The following DIXDC1 variants were observed in gnomAD, a reference collection of about 807,000 sequenced individuals.
DIXDC1 encodes DIX domain containing 1, also known as dixin.
DIXDC1 carries 64 observed loss-of-function variants against 103.1 expected under a neutral mutation model. That is an observed-to-expected ratio of 0.62 (90% CI 0.51 to 0.76). The LOEUF (loss-of-function observed/expected upper bound fraction) is 0.76. Among genes scored for constraint, DIXDC1 ranks in the 30% least tolerant of loss-of-function variants. The pLI is 0.00. For missense variants in DIXDC1, 759 were observed against 834.2 expected (o/e 0.91, Z 1.11); for synonymous variants, 266 against 298.5 (o/e 0.89, Z 1.12).
rs1421061439 is a variant in DIXDC1 at position 111,958,321 on chromosome 11, C to T, written c.61-6228C>T. Among the ~76,000 whole-genome samples, 1 of 151,998 alleles carries T rather than the reference C, an allele frequency of 6.6e-6. No homozygotes were observed. The highest frequency in any genetic ancestry group is 1.5e-5 in the Non-Finnish European group (1 of 67,952). On this transcript the variant is annotated intron_variant, in intron 1 of 19. Coordinates refer to ENST00000440460, the MANE Select transcript of DIXDC1 (RefSeq NM_001037954.4). The surrounding 1 kb of genome is among the most constrained non-coding windows in gnomAD (Gnocchi z 4.2). Reference sequence around the variant, plus strand: ...GCTGCAGCTGCAGCTGCCCAAGCCACAGCTGTGGACCCAGGCATCGCTGCA... The same window carrying T: ...GCTGCAGCTGCAGCTGCCCAAGCCATAGCTGTGGACCCAGGCATCGCTGCA...
Position 111,993,686 on chromosome 11 carries a change from G to A in DIXDC1, c.1383G>A (p.Glu461=). 1.2e-6 allele frequency: 2 copies of A among 1,614,038 alleles called. No homozygotes were observed. Among genetic ancestry groups the A allele is most frequent in the South Asian group, 1.1e-5 (1 of 91,086 alleles). The change falls in exon 14 of 20, where the codon GAG becomes GAA. Residue 461 remains glutamate, a synonymous_variant. Transcript: ENST00000440460. ...VSYHQVDLER[E]LEHKDVLLAH... is the part of the protein sequence containing the mutation. ...TTTTGCAGGTGGATCTAGAGCGAGA[G>A]CTAGAACACAAAGATGTCCTCTTGG...
At chr11:111,978,635 C>T (rs1860197581) in intron 5 of DIXDC1, among the ~76,000 whole-genome samples, 1 of 152,188 alleles carries the variant, frequency 6.6e-6, no homozygotes, top group African/African-American at 2.4e-5. Context: ...GCTGAGCATG[C>T]GTCTGTGCTT....
intron 3 of DIXDC1, 25 bp downstream of exon 3, chr11:111,968,663 T>C: frequency 1.9e-6 from 3 of 1,597,110 alleles, no homozygotes; most frequent in Non-Finnish European, 2.6e-6. Context: ...ACATCCTTGG[T>C]GCATGAGTAT....
At chr11:111,951,818 G>A (rs1966813892) in intron 1 of DIXDC1, among the ~76,000 whole-genome samples, 1 of 151,536 alleles carries the variant, frequency 6.6e-6, no homozygotes, top group Non-Finnish European at 1.5e-5. Flanking sequence ...CTTGCCTTCT[G>A]CCATGATTGT....
At chr11:111,930,451 T>G (rs891765100) in intron 2 of DIXDC1, among the ~76,000 whole-genome samples, 1 of 152,178 alleles carries the variant, frequency 6.6e-6, no homozygotes, top group Non-Finnish European at 1.5e-5. Context: ...AGCTAATTTT[T>G]TGTATTTTTA....
In DIXDC1 at chr11:112,019,605, C is replaced by G. The variant is rs1861695336; in HGVS notation, c.*569C>G. 6.5e-6 allele frequency: 1 copy of G among 152,718 alleles called. No homozygotes were observed. The highest frequency in any genetic ancestry group is 2.4e-5 in the African/African-American group (1 of 41,438). The allele number at this position is 152,718 out of a possible 1,614,324, so 9.5% of individuals were successfully genotyped here. On this transcript the variant is annotated 3_prime_UTR_variant, in exon 20 of 20. Coordinates refer to ENST00000440460, the MANE Select transcript of DIXDC1 (RefSeq NM_001037954.4). Reference sequence around the variant, plus strand: ...AGACGTGGATGGTGCTGAATTGTTGCTTGGATGGAAAAAGGGCTGCCCATG... The same window carrying G: ...AGACGTGGATGGTGCTGAATTGTTGGTTGGATGGAAAAAGGGCTGCCCATG...
chr11:111,994,074 C>T (rs1446183416), intron 14 of DIXDC1, among the ~76,000 whole-genome samples: 5 of 152,158 alleles, frequency 3.3e-5, no homozygotes, highest in Non-Finnish European at 7.3e-5. Flanking sequence ...AGCCACTTGG[C>T]ATAGAGTCAG....
Position 112,019,009 on chromosome 11 carries a change from G to T in DIXDC1, c.2025G>T (p.Trp675Cys). ...IPGWEGKIVA[W>C]VEEDHGEN is the part of the protein sequence containing the mutation. Reference sequence around the variant, plus strand: ...GATGGGAAGGGAAAATTGTAGCTTGGGTGGAAGAAGACCATGGAGAGAATT... The same window carrying T: ...GATGGGAAGGGAAAATTGTAGCTTGTGTGGAAGAAGACCATGGAGAGAATT... The change falls in exon 20 of 20, where the codon TGG (tryptophan) becomes TGT (cysteine). Residue 675 changes from tryptophan (W) to cysteine (C), a missense_variant. This residue lies in a region of DIXDC1 where 657 missense variants were observed against 727.5 expected (regional missense o/e 0.90). Coordinates refer to ENST00000440460, the MANE Select transcript of DIXDC1 (RefSeq NM_001037954.4). The T allele has an allele frequency of 1.2e-6, 2 of 1,613,384 alleles. No homozygotes were observed. Among genetic ancestry groups the T allele is most frequent in the Non-Finnish European group, 1.7e-6 (2 of 1,179,506 alleles).
intron 1 of DIXDC1, among the ~76,000 whole-genome samples, chr11:111,963,338 C>A (rs1369921799): frequency 2.0e-5 from 3 of 152,176 alleles, no homozygotes; most frequent in Admixed American, 6.5e-5. Context: ...TCCTCCTGAT[C>A]GTTGCACTTC....
intron 12 of DIXDC1, 41 bp from the exon 13 acceptor site, chr11:111,993,455 C>A: frequency 6.2e-7 from 1 of 1,610,518 alleles, no homozygotes; most frequent in African/African-American, 1.3e-5. Flanking sequence ...TTCAGTGTCC[C>A]TGGTTTTGCC....
At chr11:112,002,754 T>C (rs1555176147) in intron 17 of DIXDC1, among the ~76,000 whole-genome samples, 2 of 152,124 alleles carry the variant, frequency 1.3e-5, no homozygotes, top group African/African-American at 2.4e-5. Context: ...TGCCACTGCA[T>C]TCCAGAGTGA....
chr11:111,989,093 C>G, intron 10 of DIXDC1, 38 bp downstream of exon 10: 1 of 1,541,354 alleles, frequency 6.5e-7, no homozygotes. Flanking sequence ...AATAAAGTCT[C>G]TGCAATGTAA....
chr11:111,956,742 G>A (rs1374195023), intron 1 of DIXDC1, among the ~76,000 whole-genome samples: 3 of 152,060 alleles, frequency 2.0e-5, no homozygotes, highest in Non-Finnish European at 4.4e-5. Context: ...CTCCTGCCTT[G>A]GCCTTCCAAA....
At chr11:111,981,081 C>T (rs1566524156) in intron 6 of DIXDC1, among the ~76,000 whole-genome samples, 1 of 152,226 alleles carries the variant, frequency 6.6e-6, no homozygotes, top group African/African-American at 2.4e-5. Context: ...TAGATAGGCC[C>T]TTTCTCAGCT....
At chr11:111,937,157 G>A (rs1281448315), upstream of DIXDC1, 5 of 945,624 alleles carry the variant, frequency 5.3e-6, no homozygotes, top group African/African-American at 9.1e-5. Flanking sequence ...GCGTGCGTGC[G>A]GGCGTGCAGC....
At chr11:111,952,289 T>G (rs1555170100) in intron 1 of DIXDC1, among the ~76,000 whole-genome samples, 1 of 152,202 alleles carries the variant, frequency 6.6e-6, no homozygotes, top group Non-Finnish European at 1.5e-5. Context: ...CTAAATTAAT[T>G]TATAAGTTTA....
In DIXDC1 at chr11:112,017,677, T is replaced by G; in HGVS notation, c.1863-100T>G. ...CAGTGACCTAACAAGGGGCTATTTCTGCTTATTGACTTTGGCAGGGGGCTG... is the reference window on the plus strand; with the variant it reads ...CAGTGACCTAACAAGGGGCTATTTCGGCTTATTGACTTTGGCAGGGGGCTG... On this transcript the variant is annotated intron_variant, in intron 18 of 19. Coordinates refer to ENST00000440460, the MANE Select transcript of DIXDC1 (RefSeq NM_001037954.4). This position sits in a 1 kb window ranked among gnomAD's most constrained non-coding sequence, Gnocchi z 4.0. 1.1e-6 allele frequency: 1 copy of G among 948,376 alleles called. No individual in the cohort carries two copies. The highest frequency in any genetic ancestry group is 1.6e-6 in the Non-Finnish European group (1 of 624,152). 58.7% of individuals were successfully genotyped at this position (948,376 alleles called of 1,614,324 possible).
chr11:111,945,430 C>A (rs1966560458), intron 1 of DIXDC1, among the ~76,000 whole-genome samples: 1 of 152,112 alleles, frequency 6.6e-6, no homozygotes, highest in African/African-American at 2.4e-5. Context: ...CCAACCTGGT[C>A]ATAGGACCCA....
intron 1 of DIXDC1, chr11:111,946,674 T>C: frequency 3.3e-6 from 1 of 298,710 alleles, no homozygotes; most frequent in South Asian, 2.8e-5. Flanking sequence ...ATGTTTTTTT[T>C]CCTTTGTTTA....
Sources: gnomAD v4.1 joint callset for allele counts (sites outside exome capture counted in the v4.1 genomes callset) on GRCh38, gnomAD v4.1.1 for gene constraint, gnomAD v4.1.1 regional missense constraint, Gnocchi (gnomAD v3.1) non-coding constraint, MANE v1.5 for transcripts, NCBI Gene and HGNC (gene_info 2026-07-23, HGNC 2026-07-21) for gene names.